PEAK1: variants seen among roughly 807,000 people sequenced by gnomAD.
PEAK1 encodes pseudopodium enriched atypical kinase 1.
PEAK1 carries 54 observed loss-of-function variants against 124.7 expected under a neutral mutation model. The ratio of observed to expected loss-of-function variants is 0.43; its 90% CI spans 0.35 to 0.54. The LOEUF (loss-of-function observed/expected upper bound fraction) is 0.54, where lower values mean the gene tolerates loss of function less well. PEAK1 is among the 20% of genes least tolerant of loss of function. PEAK1 has a pLI of 0.01. For synonymous variants in PEAK1, 719 were observed against 760.0 expected (o/e 0.95, Z 0.89); for missense variants, 2,046 against 2,134.5 (o/e 0.96, Z 0.82).
chr15:77,249,477 A>T (rs1421895806), intron 6 of PEAK1, among the ~76,000 whole-genome samples: 1 of 152,218 alleles, frequency 6.6e-6, no homozygotes, highest in Non-Finnish European at 1.5e-5. Flanking sequence ...CAAATTAGAA[A>T]TTCTGTGAAT....
At chr15:77,309,506 T>A (rs1359581379) in intron 2 of PEAK1, among the ~76,000 whole-genome samples, 1 of 152,070 alleles carries the variant, frequency 6.6e-6, no homozygotes, top group African/African-American at 2.4e-5. Flanking sequence ...GCTGAATACA[T>A]TGCATTTCTA....
intron 6 of PEAK1, among the ~76,000 whole-genome samples, chr15:77,201,518 A>G (rs1015818791): frequency 6.6e-6 from 1 of 152,004 alleles, no homozygotes; most frequent in Non-Finnish European, 1.5e-5. Flanking sequence ...GATTACAGGC[A>G]TGAGCCACTG....
chr15:77,418,835 A>G, intron 1 of PEAK1: 2 of 985,444 alleles, frequency 2.0e-6, no homozygotes, highest in Non-Finnish European at 2.4e-6. Context: ...GGGGGAAAAA[A>G]AAAGACGCTG....
chr15:77,388,360 C>T lies in PEAK1; in HGVS notation c.-665-23135G>A, dbSNP rs1043226348. 2.6e-5 allele frequency among the ~76,000 whole-genome samples: 4 copies of T among 152,300 alleles called. No individual in the cohort carries two copies. In the South Asian group the frequency reaches 6.2e-4, roughly 24 times the overall value. On this transcript the variant is annotated intron_variant, in intron 1 of 9. Coordinates refer to ENST00000682557, the MANE Select transcript of PEAK1 (RefSeq NM_001385026.1). ...CAGAGTGATAGATATGACATGCTAA[C>T]GTGCAGCTAATGAAATCTGTATCAG...
chr15:77,352,345 C>T (rs2067258591), intron 2 of PEAK1: 2 of 985,282 alleles, frequency 2.0e-6, no homozygotes, highest in South Asian at 9.4e-5. Flanking sequence ...CTCCAGAAAT[C>T]ACTTTCTATC....
At chr15:77,141,513 T>C (rs909470297) in intron 8 of PEAK1, among the ~76,000 whole-genome samples, 1 of 152,216 alleles carries the variant, frequency 6.6e-6, no homozygotes, top group Non-Finnish European at 1.5e-5. Context: ...GTTAGACTTC[T>C]TGCAGAAACT....
At chr15:77,295,886 A>T (rs2063460319) in intron 2 of PEAK1, among the ~76,000 whole-genome samples, 1 of 152,240 alleles carries the variant, frequency 6.6e-6, no homozygotes, top group South Asian at 2.1e-4. Context: ...TCATCAGCTA[A>T]AGCTTCAACA....
intron 6 of PEAK1, among the ~76,000 whole-genome samples, chr15:77,246,748 G>A (rs995020464): frequency 6.6e-6 from 1 of 152,082 alleles, no homozygotes; most frequent in African/African-American, 2.4e-5. Context: ...GACCAGGCAT[G>A]GTGGCTCACG....
intron 2 of PEAK1, chr15:77,336,509 A>G: frequency 2.0e-6 from 2 of 985,430 alleles, no homozygotes; most frequent in Non-Finnish European, 1.2e-6. Context: ...GCAGCTCTTC[A>G]GTTGCTTGTT....
At chr15:77,241,473 A>G (rs561254111) in intron 6 of PEAK1, among the ~76,000 whole-genome samples, 2 of 152,280 alleles carry the variant, frequency 1.3e-5, no homozygotes, top group South Asian at 4.1e-4. Flanking sequence ...TGAAAGTTTT[A>G]GTGCAATAGA....
chr15:77,217,268 A>G (rs1027291994), intron 6 of PEAK1, among the ~76,000 whole-genome samples: 1 of 151,568 alleles, frequency 6.6e-6, no homozygotes, highest in African/African-American at 2.4e-5. Flanking sequence ...TGGGGAGCAC[A>G]AAGTACAGTT....
At chr15:77,334,512 G>A in intron 2 of PEAK1, 10 of 985,298 alleles carry the variant, frequency 1.0e-5, no homozygotes, top group Non-Finnish European at 1.2e-5. Context: ...TCACGACCCA[G>A]GCAGTTTGCT....
At chr15:77,182,429 A>G (rs1416345403) in intron 6 of PEAK1, among the ~76,000 whole-genome samples, 2 of 151,768 alleles carry the variant, frequency 1.3e-5, no homozygotes, top group Non-Finnish European at 2.9e-5. Context: ...CATTTCGTAG[A>G]CTCCTCAAAC....
intron 5 of PEAK1, among the ~76,000 whole-genome samples, chr15:77,260,976 T>G (rs1053372778): frequency 6.6e-6 from 1 of 152,198 alleles, no homozygotes; most frequent in African/African-American, 2.4e-5. Flanking sequence ...ATATCTGCTG[T>G]TGTGCAGCCT....
At chr15:77,371,407 A>C in intron 1 of PEAK1, 1 of 966,266 alleles carries the variant, frequency 1.0e-6, no homozygotes, top group Non-Finnish European at 1.2e-6. Context: ...GAAGCCATCA[A>C]AAAACTTAAA....
chr15:77,182,459 G>T (rs1354622419), intron 6 of PEAK1, among the ~76,000 whole-genome samples: 2 of 151,920 alleles, frequency 1.3e-5, no homozygotes, highest in African/African-American at 4.8e-5. Context: ...TGAAAATGAA[G>T]CTTCGGGGCT....
chr15:77,252,316 T>C, intron 6 of PEAK1, 51 bp downstream of exon 6: 1 of 921,562 alleles, frequency 1.1e-6, no homozygotes, highest in Non-Finnish European at 1.3e-6. Context: ...TTCTTTCCAG[T>C]CATCTAAAAT....
chr15:77,260,189 C>T (rs567296366), intron 5 of PEAK1, among the ~76,000 whole-genome samples: 79 of 152,132 alleles, frequency 5.2e-4, no homozygotes, highest in Middle Eastern at 3.4e-3. Flanking sequence ...GAGTGAGGGG[C>T]CCTAGAATAA....
chr15:77,333,262 G>A lies in PEAK1; in HGVS notation c.-603+31901C>T, dbSNP rs116092326. The A allele has an allele frequency of 3.4e-4, 324 of 940,468 alleles. 3 individuals carry two copies. The African/African-American group carries it at 5.5e-3, about 16-fold the overall frequency. 58.3% of individuals were successfully genotyped at this position (940,468 alleles called of 1,614,324 possible). ...AGCCTCCTAAAGTGCTGGGATTACA[G>A]GCACGAGCCACTGTGCCGGATTCAA... On this transcript the variant is annotated intron_variant, in intron 2 of 9. Transcript: ENST00000682557.
Sources: gnomAD v4.1 joint callset for allele counts (sites outside exome capture counted in the v4.1 genomes callset) on GRCh38, gnomAD v4.1.1 for gene constraint, MANE v1.5 for transcripts, NCBI Gene and HGNC (gene_info 2026-07-23, HGNC 2026-07-21) for gene names.